Variants in SORCS2 observed in about 807,000 individuals in gnomAD.
SORCS2 encodes the protein VPS10 domain-containing receptor SorCS2.
In SORCS2, 100 loss-of-function variants were observed where a neutral mutation model predicts 141.6. The ratio of observed to expected loss-of-function variants is 0.71; its 90% CI spans 0.60 to 0.83. The LOEUF is 0.83. SORCS2 is among the 40% of genes least tolerant of loss of function. SORCS2 has a pLI of 0.00. For synonymous variants in SORCS2, 789 were observed against 676.9 expected (o/e 1.17, Z -2.57); for missense variants, 1,646 against 1,560.2 (o/e 1.05, Z -0.93).
chr4:7,568,487 G>A (rs1715170366), intron 3 of SORCS2, among the ~76,000 whole-genome samples: 1 of 152,078 alleles, frequency 6.6e-6, no homozygotes, highest in South Asian at 2.1e-4. Flanking sequence ...TCCAGACCTT[G>A]GAACCAGACT....
chr4:7,213,715 T>C (rs1473536439), intron 1 of SORCS2, among the ~76,000 whole-genome samples: 1 of 150,648 alleles, frequency 6.6e-6, no homozygotes, highest in Non-Finnish European at 1.5e-5. Flanking sequence ...GTTCTCCCCC[T>C]GGGAACAGCA....
At chr4:7,317,682 T>C (rs897551173) in intron 1 of SORCS2, among the ~76,000 whole-genome samples, 40 of 152,034 alleles carry the variant, frequency 2.6e-4, no homozygotes, top group Non-Finnish European at 4.7e-4. Flanking sequence ...GCTTAGGACT[T>C]GGGGGCCTAA....
chr4:7,237,789 G>C (rs1221953137), intron 1 of SORCS2, among the ~76,000 whole-genome samples: 1 of 152,032 alleles, frequency 6.6e-6, no homozygotes, highest in Non-Finnish European at 1.5e-5. Flanking sequence ...CAGGCAGAAC[G>C]ATGGGCCCAA....
intron 14 of SORCS2, among the ~76,000 whole-genome samples, chr4:7,708,301 C>T (rs770945083): frequency 6.6e-6 from 1 of 152,146 alleles, no homozygotes; most frequent in Non-Finnish European, 1.5e-5. Flanking sequence ...AGACAGGTCC[C>T]GGCTGGCCTT....
intron 2 of SORCS2, among the ~76,000 whole-genome samples, chr4:7,522,128 C>A (rs1177042316): frequency 6.6e-6 from 1 of 152,178 alleles, no homozygotes; most frequent in African/African-American, 2.4e-5. Context: ...AAGGTGTAAA[C>A]CTTGCCCAAG....
chr4:7,645,961 C>A (rs1721047050), intron 4 of SORCS2, among the ~76,000 whole-genome samples: 2 of 152,324 alleles, frequency 1.3e-5, no homozygotes, highest in East Asian at 3.9e-4. Flanking sequence ...CACAGCCCAC[C>A]CGGCTGAAAA....
chr4:7,443,254 C>G (rs1158738361), intron 2 of SORCS2, among the ~76,000 whole-genome samples: 1 of 152,168 alleles, frequency 6.6e-6, no homozygotes, highest in African/African-American at 2.4e-5. Context: ...GCGCTGGTGA[C>G]CTTGACCTTA....
chr4:7,644,037 C>T (rs1287531475), intron 4 of SORCS2, among the ~76,000 whole-genome samples: 3 of 152,136 alleles, frequency 2.0e-5, no homozygotes, highest in African/African-American at 7.2e-5. Context: ...AACAATACTC[C>T]CCTCTGGATA....
intron 26 of SORCS2, 33 bp downstream of exon 26, chr4:7,737,205 C>T (rs137940442): frequency 1.9e-6 from 3 of 1,550,138 alleles, no homozygotes; most frequent in East Asian, 2.4e-5. Context: ...TCTCGACTCG[C>T]AGACTCTAGG....
chr4:7,548,160 C>T (rs1577731280), intron 3 of SORCS2, among the ~76,000 whole-genome samples: 2 of 152,192 alleles, frequency 1.3e-5, no homozygotes, highest in East Asian at 3.9e-4. Flanking sequence ...CCTTTGAGGG[C>T]TCCAACACAT....
In SORCS2 at chr4:7,717,998, T is replaced by G; in HGVS notation, c.2253-14T>G. 1.3e-6 allele frequency: 2 copies of G among 1,593,140 alleles called. No individual in the cohort carries two copies. The highest frequency in any genetic ancestry group is 1.7e-6 in the Non-Finnish European group (2 of 1,169,006). On this transcript the variant is annotated splice_polypyrimidine_tract_variant and intron_variant, in intron 17 of 26. Coordinates refer to ENST00000507866, the MANE Select transcript of SORCS2 (RefSeq NM_020777.3). ...CTGTCTGAAGCGGACCCTGACCCTC[T>G]CTTGTCAATCCAGGTACCGGAAAGT...
intron 1 of SORCS2, among the ~76,000 whole-genome samples, chr4:7,314,329 T>A (rs1394519600): frequency 1.4e-5 from 1 of 71,336 alleles, no homozygotes; most frequent in Non-Finnish European, 3.5e-5. Flanking sequence ...TGGCCTTTTT[T>A]TTATTTTTTT....
intron 3 of SORCS2, among the ~76,000 whole-genome samples, chr4:7,558,524 A>T (rs1326890390): frequency 6.6e-6 from 1 of 152,208 alleles, no homozygotes; most frequent in Non-Finnish European, 1.5e-5. Context: ...GGCTTGGGTC[A>T]TAACTACAGG....
At chr4:7,619,002 A>G (rs1403466632) in intron 3 of SORCS2, among the ~76,000 whole-genome samples, 1 of 152,114 alleles carries the variant, frequency 6.6e-6, no homozygotes, top group African/African-American at 2.4e-5. Context: ...GGCAAATGTG[A>G]GAGTAGATGC....
chr4:7,447,756 G>A (rs907043454), intron 2 of SORCS2, among the ~76,000 whole-genome samples: 3 of 152,082 alleles, frequency 2.0e-5, no homozygotes, highest in African/African-American at 4.8e-5. Context: ...CGGGCATTTC[G>A]AAACTGGAAT....
At chr4:7,628,728 T>C (rs898076829) in intron 3 of SORCS2, among the ~76,000 whole-genome samples, 1 of 151,720 alleles carries the variant, frequency 6.6e-6, no homozygotes, top group Non-Finnish European at 1.5e-5. Context: ...GGTGGGGAGC[T>C]GGGGCTTCCC....
At chr4:7,351,777 C>A (rs1675014306) in intron 1 of SORCS2, among the ~76,000 whole-genome samples, 1 of 151,990 alleles carries the variant, frequency 6.6e-6, no homozygotes, top group African/African-American at 2.4e-5. Context: ...TCCACCCACC[C>A]ATTTATCATC....
intron 1 of SORCS2, among the ~76,000 whole-genome samples, chr4:7,283,031 TCATC>T (rs10561337): frequency 0.025 from 3,725 of 150,226 alleles, 139 homozygotes; most frequent in African/African-American, 0.086. Context: ...ACTCATTTAT[TCATC>T]CATTCATTCA....
At chr4:7,523,787 C>T (rs1733491744) in intron 2 of SORCS2, among the ~76,000 whole-genome samples, 1 of 152,180 alleles carries the variant, frequency 6.6e-6, no homozygotes. Context: ...ACACTCAGCC[C>T]GTCACTGGGG....
Sources: allele counts gnomAD v4.1 joint callset (sites outside exome capture counted in the v4.1 genomes callset), GRCh38; gene constraint gnomAD v4.1.1; transcripts MANE v1.5; gene names NCBI Gene and HGNC (gene_info 2026-07-23, HGNC 2026-07-21).